The following VWA8 variants were observed in gnomAD, a reference collection of about 807,000 sequenced individuals.
The protein encoded by VWA8 is von Willebrand factor A domain containing 8.
A neutral mutation model predicts 241.5 loss-of-function variants in VWA8; 221 were observed. The ratio of observed to expected loss-of-function variants is 0.91; its 90% CI spans 0.82 to 1.02. The LOEUF is 1.02. VWA8 is among the 50% of genes least tolerant of loss of function. VWA8 has a pLI of 0.00. For missense variants in VWA8, 2,322 were observed against 2,328.7 expected, an observed-to-expected ratio of 1.00 and a Z score of 0.06; for synonymous variants, 852 against 827.1, an observed-to-expected ratio of 1.03 and a Z score of -0.52.
chr13:41,819,470 T>C lies in VWA8; in HGVS notation c.1701-84A>G, dbSNP rs1870853863. On this transcript the variant is annotated intron_variant, in intron 14 of 44. Coordinates refer to ENST00000379310, the MANE Select transcript of VWA8 (RefSeq NM_015058.2). ...ATGGTAACTAAAGTCTAGGCAACGTTAGGGCTATCATACTGTTAATAATGT... is the reference window on the plus strand; with the variant it reads ...ATGGTAACTAAAGTCTAGGCAACGTCAGGGCTATCATACTGTTAATAATGT... The C allele has an allele frequency of 5.1e-6, 7 of 1,382,142 alleles. No individual in the cohort carries two copies. In the East Asian group the frequency reaches 7.4e-5, roughly 15 times the overall value. 85.6% of individuals were successfully genotyped at this position (1,382,142 alleles called of 1,614,324 possible).
intron 35 of VWA8, 96 bp from the exon 36 acceptor site, chr13:41,675,392 G>A (rs2045053733): frequency 2.5e-6 from 2 of 799,148 alleles, no homozygotes; most frequent in East Asian, 2.7e-5. Flanking sequence ...GCCTAGGGTA[G>A]AACGCTGGGA....
At chr13:41,712,048 C>A (rs1437402447) in intron 26 of VWA8, among the ~76,000 whole-genome samples, 1 of 151,528 alleles carries the variant, frequency 6.6e-6, no homozygotes, top group Non-Finnish European at 1.5e-5. Flanking sequence ...AAACTTACCT[C>A]ATGGACATAG....
chr13:41,797,805 T>C (rs529381227), intron 17 of VWA8, among the ~76,000 whole-genome samples: 1 of 152,340 alleles, frequency 6.6e-6, no homozygotes, highest in African/African-American at 2.4e-5. Flanking sequence ...ATCTTTTAAA[T>C]GTGACTCTTG....
intron 2 of VWA8, among the ~76,000 whole-genome samples, chr13:41,915,803 C>T (rs893946629): frequency 1.2e-4 from 19 of 152,188 alleles, no homozygotes; most frequent in African/African-American, 4.3e-4. Context: ...TTCTGAATCC[C>T]ATGGCTGGCC....
chr13:41,935,984 A>G (rs1205726148), intron 2 of VWA8, among the ~76,000 whole-genome samples: 3 of 152,060 alleles, frequency 2.0e-5, no homozygotes, highest in African/African-American at 7.2e-5. Context: ...TCTACCACAA[A>G]CACCAAAATG....
intron 2 of VWA8, chr13:41,926,201 C>G (rs1473591060): frequency 1.5e-6 from 1 of 680,402 alleles, no homozygotes; most frequent in Non-Finnish European, 2.6e-6. Context: ...CTTATGAGAT[C>G]ACACTGCTGT....
chr13:41,765,195 T>C (rs1045653159), intron 20 of VWA8, among the ~76,000 whole-genome samples: 1 of 151,958 alleles, frequency 6.6e-6, no homozygotes, highest in African/African-American at 2.4e-5. Context: ...GGAAGTCTAG[T>C]TATAAAAGGC....
intron 7 of VWA8, among the ~76,000 whole-genome samples, 162 bp downstream of exon 7, chr13:41,886,619 G>C (rs1450416129): frequency 6.6e-6 from 1 of 152,090 alleles, no homozygotes; most frequent in Non-Finnish European, 1.5e-5. Flanking sequence ...TGAGTTTCCT[G>C]CCAAAGATAT....
chr13:41,651,168 A>C (rs1389339220), intron 37 of VWA8, among the ~76,000 whole-genome samples: 4 of 152,220 alleles, frequency 2.6e-5, no homozygotes, highest in Non-Finnish European at 5.9e-5. Context: ...AAGCCAACAA[A>C]AAAAAAAGCA....
At chr13:41,805,513 A>G (rs1040598594) in intron 17 of VWA8, among the ~76,000 whole-genome samples, 2 of 152,154 alleles carry the variant, frequency 1.3e-5, no homozygotes, top group Non-Finnish European at 2.9e-5. Context: ...CAGAAAATCA[A>G]CGAAGAAATA....
chr13:41,598,277 T>G (rs1034598391), intron 40 of VWA8, among the ~76,000 whole-genome samples: 2 of 152,066 alleles, frequency 1.3e-5, no homozygotes, highest in Non-Finnish European at 2.9e-5. Context: ...TCTATACCAA[T>G]TTAACTAACC....
At position 41,640,576 on chromosome 13, in the gene VWA8, G is replaced by C. The variant is rs1214120283; in HGVS notation, c.4612-25492C>G. Among the ~76,000 whole-genome samples, 6 of 152,188 alleles carry C rather than the reference G, an allele frequency of 3.9e-5. No homozygotes were observed. The East Asian group carries it at 1.2e-3, about 29-fold the overall frequency. On this transcript the variant is annotated intron_variant, in intron 37 of 44. Coordinates refer to ENST00000379310, the MANE Select transcript of VWA8 (RefSeq NM_015058.2). The stretch of plus-strand genomic sequence containing the variant: ...AAACATACAAGAGATCAAATTCAGT[G>C]ATTTAAAAATCATGTACTTGCTAGT...
intron 4 of VWA8, among the ~76,000 whole-genome samples, chr13:41,903,164 T>C (rs1248609587): frequency 6.6e-6 from 1 of 152,212 alleles, no homozygotes; most frequent in Non-Finnish European, 1.5e-5. Context: ...CTATCTAGAA[T>C]TCAAATGGAA....
intron 16 of VWA8, among the ~76,000 whole-genome samples, chr13:41,812,749 C>T (rs925431849): frequency 1.3e-5 from 2 of 152,078 alleles, no homozygotes; most frequent in African/African-American, 2.4e-5. Context: ...GCATGACCAC[C>T]ACATATCCTT....
At chr13:41,873,303 G>T (rs1357352178) in intron 9 of VWA8, among the ~76,000 whole-genome samples, 1 of 152,092 alleles carries the variant, frequency 6.6e-6, no homozygotes, top group Non-Finnish European at 1.5e-5. Flanking sequence ...ATATTCAAAA[G>T]CTAGCAGAAG....
At position 41,611,733 on chromosome 13, in the gene VWA8, CT is replaced by C. The variant is rs1566387161; in HGVS notation, c.4721-2del. The stretch of plus-strand genomic sequence containing the variant: ...CCCAGGCCTGCCGTGTCTCTTCCCC[CT>C]GGAAGGAAAACGTGGAAATTCAGAT... On this transcript the variant is annotated splice_acceptor_variant, in intron 38 of 44. Coordinates refer to ENST00000379310, the MANE Select transcript of VWA8 (RefSeq NM_015058.2). LOFTEE classifies it high-confidence loss of function. The C allele has an allele frequency of 1.1e-5, 18 of 1,613,350 alleles. No individual in the cohort carries two copies. In the South Asian group the frequency reaches 1.3e-4, roughly 12 times the overall value.
chr13:41,766,967 G>A (rs1175778189), intron 20 of VWA8, among the ~76,000 whole-genome samples: 1 of 152,158 alleles, frequency 6.6e-6, no homozygotes, highest in Admixed American at 6.5e-5. Flanking sequence ...AGAACAGTGA[G>A]GAAGCAAATC....
chr13:41,945,777 G>A (rs1309505503), intron 2 of VWA8, among the ~76,000 whole-genome samples: 2 of 151,854 alleles, frequency 1.3e-5, no homozygotes, highest in African/African-American at 4.8e-5. Context: ...AGACTTGTGG[G>A]GCACCATCAA....
chr13:41,690,047 T>A (rs1280641346), intron 33 of VWA8, 119 bp downstream of exon 33: 4 of 807,616 alleles, frequency 5.0e-6, no homozygotes, highest in Non-Finnish European at 7.3e-6. Context: ...GTGACTAAGT[T>A]TTTTCTTTTG....
Sources: gnomAD v4.1 joint callset for allele counts (sites outside exome capture counted in the v4.1 genomes callset) on GRCh38, gnomAD v4.1.1 for gene constraint, MANE v1.5 for transcripts, NCBI Gene and HGNC (gene_info 2026-07-23, HGNC 2026-07-21) for gene names.